CELF1: variants seen among roughly 807,000 people sequenced by gnomAD.
The protein encoded by CELF1 is 50 kDa nuclear polyadenylated RNA-binding protein.
Under a neutral mutation model 61.8 loss-of-function variants are expected in CELF1, and 10 were observed. That is an observed-to-expected ratio of 0.16 (90% CI 0.10 to 0.27). The LOEUF is 0.27. CELF1 is among the 10% of genes least tolerant of loss of function. The pLI is 1.00. For missense variants in CELF1, 380 were observed against 639.1 expected (o/e 0.59, Z 4.37); for synonymous variants, 236 against 225.1 (o/e 1.05, Z -0.43).
At position 47,488,946 on chromosome 11, in the gene CELF1, A is replaced by C; in HGVS notation, c.150T>G (p.Val50=). The C allele has an allele frequency of 2.5e-6, 4 of 1,612,684 alleles. No homozygotes were observed. Among genetic ancestry groups the C allele is most frequent in the Non-Finnish European group, 3.4e-6 (4 of 1,179,506 alleles). ...LDAIKMFVGQ[V]PRTWSEKDLR... ...AGTCCTTTTCAGACCAGGTCCTTGG[A>C]ACCTGGCCCACAAACATCTTGATAG... The change falls in exon 4 of 15, where the codon GTT becomes GTG. Residue 50 remains valine (V), a synonymous_variant. Coordinates refer to ENST00000687097, the MANE Select transcript of CELF1 (RefSeq NM_001376376.1).
At chr11:47,528,205 CG>C (rs1426258854) in intron 1 of CELF1, among the ~76,000 whole-genome samples, 2 of 148,810 alleles carry the variant, frequency 1.3e-5, no homozygotes, top group Admixed American at 6.9e-5. Context: ...ACTATAAACA[CG>C]TAAAGTATGG....
chr11:47,526,506 G>A (rs540996552), intron 1 of CELF1, among the ~76,000 whole-genome samples: 1 of 152,124 alleles, frequency 6.6e-6, no homozygotes, highest in Non-Finnish European at 1.5e-5. Flanking sequence ...GCCTACTTTA[G>A]AGAAAACATA....
At chr11:47,492,903 T>C (rs1255480666) in intron 3 of CELF1, among the ~76,000 whole-genome samples, 1 of 152,222 alleles carries the variant, frequency 6.6e-6, no homozygotes, top group African/African-American at 2.4e-5. Context: ...AGAATACATT[T>C]TGATAAGGAA....
At chr11:47,500,720 C>T (rs2093791794) in intron 2 of CELF1, 141 bp downstream of exon 2, 2 of 392,434 alleles carry the variant, frequency 5.1e-6, no homozygotes, top group Non-Finnish European at 9.0e-6. Flanking sequence ...TGTGTGCTCC[C>T]GTTCTCAATT....
At chr11:47,545,859 G>GTC (rs1312947391) in intron 1 of CELF1, among the ~76,000 whole-genome samples, 4 of 114,330 alleles carry the variant, frequency 3.5e-5, no homozygotes, top group Non-Finnish European at 7.4e-5. Context: ...ACGTGTGTGT[G>GTC]TGTGTGTCTG....
intron 1 of CELF1, among the ~76,000 whole-genome samples, chr11:47,511,093 GGGAGGA>G (rs1565859580): frequency 6.6e-6 from 1 of 152,124 alleles, no homozygotes; most frequent in Non-Finnish European, 1.5e-5. Flanking sequence ...AGGCTGAGGT[GGGAGGA>G]TTGCTTGAGC....
At chr11:47,550,203 A>G (rs1051393512) in intron 1 of CELF1, among the ~76,000 whole-genome samples, 6 of 152,096 alleles carry the variant, frequency 3.9e-5, no homozygotes, top group Admixed American at 1.3e-4. Context: ...AGCCTGGGCA[A>G]AACAGTGACA....
chr11:47,510,674 A>T (rs1451481427), intron 1 of CELF1, among the ~76,000 whole-genome samples: 1 of 151,486 alleles, frequency 6.6e-6, no homozygotes, highest in African/African-American at 2.4e-5. Context: ...TTTTGTAGAG[A>T]AGGGGTTTTG....
rs767141831 is a variant in CELF1, at chr11:47,490,256, TC to T, written c.72-1233del. Among the ~76,000 whole-genome samples, 150 of 151,840 alleles carry T rather than the reference TC, an allele frequency of 9.9e-4. 1 individual carries two copies. Among genetic ancestry groups the T allele is most frequent in the Non-Finnish European group, 1.6e-3 (106 of 67,928 alleles). ...TGGCCTCATACCATCTACTTCAAAG[TC>T]CTTCGTCCTATTTGTTTCTAAATTT... On this transcript the variant is annotated intron_variant, in intron 3 of 14. Coordinates refer to ENST00000687097, the MANE Select transcript of CELF1 (RefSeq NM_001376376.1).
Position 47,559,174 on chromosome 11 carries a change from C to T in CELF1, c.-11+5177G>A, listed in dbSNP as rs183329687. 5.8e-3 allele frequency among the ~76,000 whole-genome samples: 868 copies of T among 149,240 alleles called. 10 individuals are homozygous for T. Among genetic ancestry groups the T allele is most frequent in the African/African-American group, 0.019 (788 of 40,574 alleles). The stretch of plus-strand genomic sequence containing the variant: ...GCAGTGGCGCAATCTCAGCTCACCA[C>T]AACCTCCGTCTCCCGGATTCAAGCA... On this transcript the variant is annotated intron_variant, in intron 2 of 3. Coordinates refer to the CELF1 transcript ENST00000525841.
chr11:47,473,070 A>G lies in CELF1; in HGVS notation c.1417+18T>C, dbSNP rs1324460790. 3.7e-6 allele frequency: 6 copies of G among 1,612,172 alleles called. No homozygotes were observed. The Admixed American group carries it at 8.4e-5, about 23-fold the overall frequency. ...AAAATACTAATCCCATCCTGACACC[A>G]GAGAGAAGCCAACATACCAAAACAC... On this transcript the variant is annotated intron_variant, in intron 14 of 14. Transcript: ENST00000687097.
upstream of CELF1, chr11:47,553,262 G>T (rs889500216): frequency 7.9e-6 from 3 of 379,686 alleles, no homozygotes; most frequent in Admixed American, 4.5e-5. Context: ...GCGGCGTAGG[G>T]GCGGGCCGAG....
intron 1 of CELF1, among the ~76,000 whole-genome samples, chr11:47,513,170 T>C (rs1217425469): frequency 6.6e-6 from 1 of 152,256 alleles, no homozygotes; most frequent in Admixed American, 6.5e-5. Context: ...CCACATCACA[T>C]ACAATTCACC....
chr11:47,563,117 G>A (rs1318678895), intron 2 of CELF1, among the ~76,000 whole-genome samples: 1 of 152,088 alleles, frequency 6.6e-6, no homozygotes, highest in Non-Finnish European at 1.5e-5. Context: ...TTGGGAGGCT[G>A]AGGTAGGAGG....
chr11:47,508,624 CAG>C (rs1323146908), intron 1 of CELF1, among the ~76,000 whole-genome samples: 7 of 145,776 alleles, frequency 4.8e-5, no homozygotes, highest in South Asian at 4.3e-4. Flanking sequence ...TCCACATAAA[CAG>C]GGTATCATCC....
At chr11:47,491,087 C>T (rs1390975994) in intron 3 of CELF1, among the ~76,000 whole-genome samples, 1 of 148,994 alleles carries the variant, frequency 6.7e-6, no homozygotes, top group Non-Finnish European at 1.5e-5. Flanking sequence ...GTCACAAACT[C>T]CTGACCTCAG....
intron 1 of CELF1, among the ~76,000 whole-genome samples, chr11:47,517,890 G>A (rs990848744): frequency 1.3e-5 from 2 of 152,012 alleles, no homozygotes; most frequent in African/African-American, 4.8e-5. Context: ...CTGACCTTAG[G>A]TGATCGACCT....
At chr11:47,540,357 A>G (rs1679932102) in intron 1 of CELF1, among the ~76,000 whole-genome samples, 1 of 152,204 alleles carries the variant, frequency 6.6e-6, no homozygotes, top group South Asian at 2.1e-4. Flanking sequence ...TCTAGGAAAT[A>G]CAGACCTAAG....
chr11:47,477,198 A>G, intron 11 of CELF1, 99 bp downstream of exon 11: 1 of 1,349,032 alleles, frequency 7.4e-7, no homozygotes, highest in Non-Finnish European at 1.0e-6. Flanking sequence ...ACCTCTCTGG[A>G]AACAGGTGTT....
Sources: gnomAD v4.1 joint callset for allele counts (sites outside exome capture counted in the v4.1 genomes callset) on GRCh38, gnomAD v4.1.1 for gene constraint, MANE v1.5 for transcripts, NCBI Gene and HGNC (gene_info 2026-07-23, HGNC 2026-07-21) for gene names.